The following HMCN1 variants were observed in gnomAD, a reference collection of about 807,000 sequenced individuals.
HMCN1 encodes hemicentin 1.
Under a neutral mutation model 625.9 loss-of-function variants are expected in HMCN1, and 321 were observed. The observed-to-expected ratio is 0.51, with a 90% CI of 0.47 to 0.56. The LOEUF (loss-of-function observed/expected upper bound fraction) is 0.56. HMCN1 is among the 20% of genes least tolerant of loss of function. The pLI is 0.00. For missense variants in HMCN1, 6,588 were observed against 6,887.3 expected, an observed-to-expected ratio of 0.96 and a Z score of 1.54; for synonymous variants, 2,425 against 2,417.6, an observed-to-expected ratio of 1.00 and a Z score of -0.09.
At chr1:185,867,514 A>G (rs1261687021) in intron 4 of HMCN1, among the ~76,000 whole-genome samples, 2 of 152,176 alleles carry the variant, frequency 1.3e-5, no homozygotes, top group Non-Finnish European at 2.9e-5. Flanking sequence ...TAAGTGAGGA[A>G]GAATAGCATT....
At chr1:186,102,090 A>G (rs1046377763) in intron 68 of HMCN1, among the ~76,000 whole-genome samples, 6 of 152,110 alleles carry the variant, frequency 3.9e-5, no homozygotes, top group African/African-American at 1.4e-4. Flanking sequence ...ACAAAGATAG[A>G]TCTAGACCAT....
At chr1:185,750,164 T>C (rs1298318662) in intron 1 of HMCN1, among the ~76,000 whole-genome samples, 3 of 152,180 alleles carry the variant, frequency 2.0e-5, no homozygotes, top group African/African-American at 7.2e-5. Flanking sequence ...GGAACTTAAT[T>C]TTCATGACTG....
At chr1:185,825,024 T>G (rs528759847) in intron 1 of HMCN1, among the ~76,000 whole-genome samples, 11 of 152,244 alleles carry the variant, frequency 7.2e-5, no homozygotes, top group African/African-American at 2.6e-4. Context: ...AAGAGTTTTA[T>G]TGCCATCATT....
chr1:186,049,202 G>C (rs939490731), intron 42 of HMCN1, among the ~76,000 whole-genome samples: 2 of 152,076 alleles, frequency 1.3e-5, no homozygotes, highest in Non-Finnish European at 2.9e-5. Context: ...TGAACTGTGT[G>C]TGTGTATGTG....
At chr1:185,968,867 T>C (rs1045743795) in intron 14 of HMCN1, among the ~76,000 whole-genome samples, 1 of 152,176 alleles carries the variant, frequency 6.6e-6, no homozygotes, top group Admixed American at 6.5e-5. Context: ...AATAATTTGA[T>C]GAGTAACTTT....
chr1:185,955,396 A>T (rs925462790), intron 11 of HMCN1, among the ~76,000 whole-genome samples: 124 of 152,260 alleles, frequency 8.1e-4, no homozygotes, highest in African/African-American at 2.9e-3. Context: ...AGAAATAAAA[A>T]TTTTTCCTTT....
chr1:185,910,112 C>T (rs960804235), intron 5 of HMCN1, among the ~76,000 whole-genome samples: 7 of 151,958 alleles, frequency 4.6e-5, no homozygotes, highest in African/African-American at 1.7e-4. Context: ...AATCTTTAAT[C>T]GTTTCTTAAC....
At chr1:185,754,396 T>C (rs150762499) in intron 1 of HMCN1, among the ~76,000 whole-genome samples, 109 of 152,300 alleles carry the variant, frequency 7.2e-4, no homozygotes, top group African/African-American at 2.6e-3. Flanking sequence ...GCCTTAAAAG[T>C]TGCTATTTTA....
intron 2 of HMCN1, among the ~76,000 whole-genome samples, chr1:185,862,553 A>T (rs1341817216): frequency 2.0e-5 from 3 of 152,206 alleles, no homozygotes; most frequent in Non-Finnish European, 4.4e-5. Flanking sequence ...TTGGAGAGGC[A>T]TATAGAACAC....
chr1:185,841,082 AT>A (rs912862682), intron 1 of HMCN1, among the ~76,000 whole-genome samples: 3 of 152,234 alleles, frequency 2.0e-5, no homozygotes, highest in Admixed American at 6.5e-5. Context: ...TACATTGTGA[AT>A]TTTTTTCCAT....
chr1:186,098,229 G>T (rs574029571), intron 68 of HMCN1, among the ~76,000 whole-genome samples: 29 of 152,128 alleles, frequency 1.9e-4, no homozygotes, highest in African/African-American at 7.0e-4. Context: ...AAAAGCTTCT[G>T]CACAGCTAAG....
rs146420724 is a variant in HMCN1 at position 186,115,290 on chromosome 1, A to G, written c.11437A>G (p.Met3813Val). The G allele has an allele frequency of 6.4e-5, 104 of 1,613,960 alleles. No homozygotes were observed. Among genetic ancestry groups the G allele is most frequent in the Non-Finnish European group, 8.1e-5 (95 of 1,180,016 alleles). ...PPSIAPGPTN[M>V]TVIVNVQTTL... ...ATCTATTGCTCCGGGTCCTACCAAC[A>G]TGACTGTAATAGTAAATGTTCAAAC... The change falls in exon 75 of 107, where the codon ATG becomes GTG. Residue 3813 changes from methionine to valine, a missense_variant. Transcript: ENST00000271588.
Position 186,190,238 on chromosome 1 carries a change from T to C in HMCN1, c.*360T>C, listed in dbSNP as rs1653636986. On this transcript the variant is annotated 3_prime_UTR_variant, in exon 107 of 107. Transcript: ENST00000271588. ...AACAACGAAAAACAAGAACAACTAA[T>C]TCAGAATCAAATAGAGTTTTTGAGC... The C allele has an allele frequency of 3.9e-6, 1 of 258,534 alleles. No homozygotes were observed. Among genetic ancestry groups the C allele is most frequent in the African/African-American group, 2.2e-5 (1 of 45,764 alleles). 16.0% of individuals were successfully genotyped at this position (258,534 alleles called of 1,614,324 possible). A position where few individuals can be genotyped will look rare whatever the true frequency, so the allele number is the denominator to read the frequency against.
chr1:186,092,635 G>A (rs984621207), intron 64 of HMCN1, among the ~76,000 whole-genome samples: 3 of 131,368 alleles, frequency 2.3e-5, no homozygotes, highest in African/African-American at 3.3e-5. Context: ...CAAAAGAAAA[G>A]CTTTATTTAG....
At chr1:185,903,688 A>G (rs1665940449) in intron 4 of HMCN1, among the ~76,000 whole-genome samples, 1 of 151,678 alleles carries the variant, frequency 6.6e-6, no homozygotes. Context: ...TTCTTGGTGG[A>G]TTAGCTAAAT....
chr1:185,837,290 C>T (rs975082887), intron 1 of HMCN1, among the ~76,000 whole-genome samples: 4 of 151,876 alleles, frequency 2.6e-5, no homozygotes. Context: ...GAGTAATAAT[C>T]TTTCAAAAAA....
intron 78 of HMCN1, 25 bp downstream of exon 78, chr1:186,119,323 A>G: frequency 6.4e-7 from 1 of 1,561,040 alleles, no homozygotes; most frequent in South Asian, 1.1e-5. Flanking sequence ...TTACTCATTC[A>G]AAGTTCGCTG....
In HMCN1 at chr1:186,182,141, A is replaced by G. The variant is rs1652973207; in HGVS notation, c.16295-27A>G. On this transcript the variant is annotated intron_variant, in intron 104 of 106. Coordinates refer to ENST00000271588, the MANE Select transcript of HMCN1 (RefSeq NM_031935.3). ...GTGTCTGCTTTTTTCTTGTGTAGTG[A>G]TAACTCTCTGTCTTCTTCCTGAACA... is the stretch of plus-strand genomic sequence containing the variant. 8.1e-6 allele frequency: 13 copies of G among 1,612,224 alleles called. No individual in the cohort carries two copies. The East Asian group carries it at 1.8e-4, about 22-fold the overall frequency.
intron 33 of HMCN1, among the ~76,000 whole-genome samples, 184 bp downstream of exon 33, chr1:186,017,255 A>T (rs1654425424): frequency 6.6e-6 from 1 of 152,072 alleles, no homozygotes; most frequent in Non-Finnish European, 1.5e-5. Context: ...AAGGCACCTA[A>T]ATTTGCTCAA....
Sources: gnomAD v4.1 joint callset for allele counts (sites outside exome capture counted in the v4.1 genomes callset) on GRCh38, gnomAD v4.1.1 for gene constraint, MANE v1.5 for transcripts, NCBI Gene and HGNC (gene_info 2026-07-23, HGNC 2026-07-21) for gene names.